The following B3GALT1 variants were observed in gnomAD, a reference collection of about 807,000 sequenced individuals.
The protein encoded by B3GALT1 is beta-1,3-galactosyltransferase 1.
In B3GALT1, 10 loss-of-function variants were observed where a neutral mutation model predicts 23.2. The observed-to-expected ratio is 0.43, with a 90% CI of 0.27 to 0.73. The LOEUF (loss-of-function observed/expected upper bound fraction) is 0.73, where lower values mean the gene tolerates loss of function less well. Among genes scored for constraint, B3GALT1 ranks in the 30% least tolerant of loss-of-function variants. B3GALT1 has a pLI of 0.21. For synonymous variants in B3GALT1, 156 were observed against 141.5 expected (o/e 1.10, Z -0.73); for missense variants, 299 against 405.4 (o/e 0.74, Z 2.25).
At chr2:167,700,724 G>A (rs1686868316) in intron 3 of B3GALT1, among the ~76,000 whole-genome samples, 1 of 152,158 alleles carries the variant, frequency 6.6e-6, no homozygotes, top group South Asian at 2.1e-4. Flanking sequence ...AGTGCGGGTA[G>A]GGTTGAGATT....
At chr2:167,745,069 C>G (rs936290205) in intron 3 of B3GALT1, among the ~76,000 whole-genome samples, 2 of 150,516 alleles carry the variant, frequency 1.3e-5, no homozygotes, top group African/African-American at 4.9e-5. Flanking sequence ...TCTTTTTGTC[C>G]CTTTACATTT....
intron 2 of B3GALT1, among the ~76,000 whole-genome samples, chr2:167,571,944 T>C (rs1684300337): frequency 6.6e-6 from 1 of 151,820 alleles, no homozygotes; most frequent in South Asian, 2.1e-4. Context: ...GTATAAATTA[T>C]ACAACTTTTA....
chr2:167,664,020 A>T (rs36197297), intron 3 of B3GALT1, among the ~76,000 whole-genome samples: 59,049 of 148,250 alleles, frequency 0.4, 13,059 homozygotes, highest in Middle Eastern at 0.57. Context: ...GGTGTTTTAG[A>T]CATGAAGTCC....
At chr2:167,465,169 T>G (rs1253131777) in intron 1 of B3GALT1, among the ~76,000 whole-genome samples, 4 of 152,194 alleles carry the variant, frequency 2.6e-5, no homozygotes, top group Non-Finnish European at 5.9e-5. Flanking sequence ...AGAGAAAAAT[T>G]AGTCCATTGA....
intron 4 of B3GALT1, among the ~76,000 whole-genome samples, chr2:167,825,493 TA>T (rs1361407737): frequency 6.1e-5 from 9 of 147,744 alleles, no homozygotes; most frequent in African/African-American, 2.2e-4. Context: ...ATAAATTATA[TA>T]TATATATAAA....
chr2:167,768,478 G>A (rs1233502085), intron 3 of B3GALT1, among the ~76,000 whole-genome samples: 1 of 152,192 alleles, frequency 6.6e-6, no homozygotes, highest in Non-Finnish European at 1.5e-5. Context: ...GCTAGATTCT[G>A]ACGGAAGCCT....
chr2:167,814,168 G>C (rs1688945040), intron 3 of B3GALT1, among the ~76,000 whole-genome samples: 1 of 152,076 alleles, frequency 6.6e-6, no homozygotes, highest in Admixed American at 6.5e-5. Context: ...ACTTTATTCA[G>C]GATATTGTTT....
intron 3 of B3GALT1, among the ~76,000 whole-genome samples, chr2:167,793,700 A>G (rs192277903): frequency 6.6e-6 from 1 of 152,320 alleles, no homozygotes; most frequent in East Asian, 1.9e-4. Flanking sequence ...ATCTTCAATC[A>G]TTTTTATTTT....
chr2:167,751,730 C>T (rs1687742407), intron 3 of B3GALT1, among the ~76,000 whole-genome samples: 1 of 152,166 alleles, frequency 6.6e-6, no homozygotes, highest in Non-Finnish European at 1.5e-5. Flanking sequence ...TATTTCACAG[C>T]TCATTTAGTC....
chr2:167,754,950 G>A (rs554567197), intron 3 of B3GALT1, among the ~76,000 whole-genome samples: 2 of 152,322 alleles, frequency 1.3e-5, no homozygotes, highest in Non-Finnish European at 2.9e-5. Flanking sequence ...GGCTTTGTGT[G>A]CAGAGCCGAG....
chr2:167,451,588 G>A (rs897916129), intron 1 of B3GALT1, among the ~76,000 whole-genome samples: 20 of 152,168 alleles, frequency 1.3e-4, no homozygotes, highest in Non-Finnish European at 1.2e-4. Context: ...CACCCCCTCC[G>A]GTGGAGGTGA....
At chr2:167,780,810 T>C (rs1381743467) in intron 3 of B3GALT1, among the ~76,000 whole-genome samples, 1 of 152,200 alleles carries the variant, frequency 6.6e-6, no homozygotes, top group Non-Finnish European at 1.5e-5. Flanking sequence ...GCAGCATGAA[T>C]TAATGTGTAA....
At chr2:167,667,202 A>G (rs1686214838) in intron 3 of B3GALT1, among the ~76,000 whole-genome samples, 1 of 150,966 alleles carries the variant, frequency 6.6e-6, no homozygotes, top group Non-Finnish European at 1.5e-5. Flanking sequence ...TTTCTCCTTC[A>G]CTTATGAAGC....
At chr2:167,540,127 G>A (rs1010647907) in intron 2 of B3GALT1, among the ~76,000 whole-genome samples, 1 of 152,014 alleles carries the variant, frequency 6.6e-6, no homozygotes, top group South Asian at 2.1e-4. Flanking sequence ...TTCTGTTCTT[G>A]TCTCCCCTCT....
At chr2:167,494,024 A>T (rs962952943) in intron 2 of B3GALT1, among the ~76,000 whole-genome samples, 1 of 152,120 alleles carries the variant, frequency 6.6e-6, no homozygotes. Flanking sequence ...AGTAATAGGG[A>T]GATCTGGGCT....
At chr2:167,377,709 G>T (rs1043670773) in intron 1 of B3GALT1, among the ~76,000 whole-genome samples, 20 of 151,872 alleles carry the variant, frequency 1.3e-4, no homozygotes, top group African/African-American at 4.4e-4. Context: ...TGAACCTATG[G>T]GTGTCGTTAT....
chr2:167,542,883 A>C (rs1433963925), intron 2 of B3GALT1, among the ~76,000 whole-genome samples: 1 of 151,376 alleles, frequency 6.6e-6, no homozygotes, highest in African/African-American at 2.4e-5. Context: ...TATATTGTTT[A>C]TTTATTTGTA....
chr2:167,718,673 GTTTTTATA>G (rs1687188087), intron 3 of B3GALT1, among the ~76,000 whole-genome samples: 1 of 152,166 alleles, frequency 6.6e-6, no homozygotes, highest in Non-Finnish European at 1.5e-5. Flanking sequence ...AAAACTGTGT[GTTTTTATA>G]AAGAGTTGCG....
intron 1 of B3GALT1, among the ~76,000 whole-genome samples, chr2:167,486,308 G>A (rs548483115): frequency 6.7e-6 from 1 of 148,984 alleles, no homozygotes; most frequent in Non-Finnish European, 1.5e-5. Flanking sequence ...GCAGTTAGCC[G>A]AGATCGTGCC....
Sources: gnomAD v4.1 joint callset for allele counts (sites outside exome capture counted in the v4.1 genomes callset) on GRCh38, gnomAD v4.1.1 for gene constraint, MANE v1.5 for transcripts, NCBI Gene and HGNC (gene_info 2026-07-23, HGNC 2026-07-21) for gene names.